Variants in ADAM22 observed in about 807,000 individuals in gnomAD.
ADAM22 encodes the protein disintegrin and metalloproteinase domain-containing protein 22.
ADAM22 carries 65 observed loss-of-function variants against 144.6 expected under a neutral mutation model. That is an observed-to-expected ratio of 0.45 (90% CI 0.37 to 0.55). ADAM22 has a LOEUF of 0.55. Among genes scored for constraint, ADAM22 ranks in the 20% least tolerant of loss-of-function variants. The probability of loss-of-function intolerance (pLI) is 0.00; values close to 1 mark genes in which losing one functional copy is unlikely to be tolerated. For missense variants in ADAM22, 974 were observed against 1,184.9 expected (o/e 0.82, Z 2.61); for synonymous variants, 391 against 412.6 (o/e 0.95, Z 0.63).
chr7:87,990,554 A>G (rs979065414), intron 3 of ADAM22, among the ~76,000 whole-genome samples: 9 of 152,162 alleles, frequency 5.9e-5, no homozygotes, highest in Admixed American at 2.6e-4. Context: ...CCTCCCCACT[A>G]TTGGAAACAA....
chr7:88,171,156 T>A (rs1844218707), intron 25 of ADAM22, among the ~76,000 whole-genome samples: 2 of 151,974 alleles, frequency 1.3e-5, no homozygotes, highest in Admixed American at 6.6e-5. Context: ...TAATTTTATT[T>A]CTGTAAAAAG....
At chr7:88,125,740 T>A in intron 8 of ADAM22, 81 bp downstream of exon 8, 1 of 1,140,110 alleles carries the variant, frequency 8.8e-7, no homozygotes, top group Non-Finnish European at 1.2e-6. Flanking sequence ...TAAGTCTGTG[T>A]GAGAGGGTGA....
chr7:88,099,263 G>A (rs749788984), intron 4 of ADAM22, among the ~76,000 whole-genome samples: 10 of 152,220 alleles, frequency 6.6e-5, no homozygotes, highest in Middle Eastern at 3.4e-3. Flanking sequence ...TATCTATGCC[G>A]GCAGAAGACA....
rs545692266 is a variant in ADAM22, at chr7:88,131,324, C to T, written c.881C>T (p.Ala294Val). The T allele has an allele frequency of 1.8e-5, 29 of 1,613,498 alleles. No individual in the cohort carries two copies. The East Asian group carries it at 2.2e-4, about 12-fold the overall frequency. ...GTATTGGTTGCTATGGAAACCTGGGCGACTGACAACAAGTTTGCCATATCT... is the reference window on the plus strand; with the variant it reads ...GTATTGGTTGCTATGGAAACCTGGGTGACTGACAACAAGTTTGCCATATCT... The part of the protein sequence containing the change: ...RIVLVAMETW[A>V]TDNKFAISEN... The change falls in exon 11 of 32, where the codon GCG (alanine) becomes GTG (valine). Residue 294 changes from alanine to valine, a missense_variant. This residue lies in a region of ADAM22 where 734 missense variants were observed against 950.6 expected (regional missense o/e 0.77). Transcript: ENST00000413139.
chr7:88,004,058 C>T (rs1005456895), intron 3 of ADAM22, among the ~76,000 whole-genome samples: 2 of 152,186 alleles, frequency 1.3e-5, no homozygotes, highest in Non-Finnish European at 2.9e-5. Context: ...TAAGCAGAAG[C>T]GTCAGTAGCT....
At chr7:88,109,724 A>G (rs1239135087) in intron 5 of ADAM22, among the ~76,000 whole-genome samples, 2 of 149,330 alleles carry the variant, frequency 1.3e-5, no homozygotes, top group Non-Finnish European at 3.0e-5. Context: ...TTTTTGAGAG[A>G]GAGAGAGGAA....
At chr7:88,026,982 A>T (rs1470920276) in intron 3 of ADAM22, among the ~76,000 whole-genome samples, 2 of 152,180 alleles carry the variant, frequency 1.3e-5, no homozygotes, top group African/African-American at 4.8e-5. Flanking sequence ...CATCAAATGA[A>T]ATGATCATAT....
intron 2 of ADAM22, among the ~76,000 whole-genome samples, chr7:87,947,288 A>T (rs963144736): frequency 6.6e-6 from 1 of 151,470 alleles, no homozygotes; most frequent in Admixed American, 6.6e-5. Context: ...GATCCTGTAT[A>T]GCTGGTTTAG....
At chr7:88,107,135 T>C (rs1205916896) in intron 4 of ADAM22, among the ~76,000 whole-genome samples, 1 of 152,046 alleles carries the variant, frequency 6.6e-6, no homozygotes, top group African/African-American at 2.4e-5. Context: ...AAATGATTTA[T>C]ATTCATTTTT....
intron 4 of ADAM22, among the ~76,000 whole-genome samples, chr7:88,107,067 T>A (rs1585773150): frequency 1.3e-5 from 2 of 152,152 alleles, no homozygotes; most frequent in Non-Finnish European, 1.5e-5. Context: ...TATCTGGTAA[T>A]CAATATAAAC....
Position 87,978,422 on chromosome 7 carries a change from G to T in ADAM22, c.323+10G>T, listed in dbSNP as rs185169140. 132 of 1,610,700 alleles carry T rather than the reference G, an allele frequency of 8.2e-5. No individual in the cohort carries two copies. The African/African-American group carries it at 1.7e-3, about 20-fold the overall frequency. The stretch of plus-strand genomic sequence containing the variant: ...ATGTCGTGCTAAATCAGTAAGTGTT[G>T]AGTTGCACTTGCTTTTGTCAGATAC... On this transcript the variant is annotated intron_variant, in intron 3 of 31. Transcript: ENST00000413139.
rs773900623 is a variant in ADAM22, at chr7:88,108,184, G to T, written c.399G>T (p.Glu133Asp). 6.2e-7 allele frequency: 1 copy of T among 1,613,008 alleles called. No homozygotes were observed. The highest frequency in any genetic ancestry group is 1.1e-5 in the South Asian group (1 of 90,822). ...GGKTVEVKGG[E>D]HCYYQGHIRG... ...TTTATTTCTGTTTTCAGGGAGGAGAGCACTGTTACTACCAGGGCCATATCC... is the reference window on the plus strand; with the variant it reads ...TTTATTTCTGTTTTCAGGGAGGAGATCACTGTTACTACCAGGGCCATATCC... Residue 133 changes from glutamate (E) to aspartate (D), a missense_variant, in exon 5 of 32, where the codon GAG becomes GAT. Transcript: ENST00000413139.
chr7:88,086,117 A>G (rs892268798), intron 4 of ADAM22, among the ~76,000 whole-genome samples: 1 of 152,222 alleles, frequency 6.6e-6, no homozygotes, highest in Non-Finnish European at 1.5e-5. Context: ...TGGAGGTTGC[A>G]GTGAGCTGAG....
At chr7:88,079,103 C>T (rs377095734) in intron 4 of ADAM22, among the ~76,000 whole-genome samples, 6 of 152,118 alleles carry the variant, frequency 3.9e-5, no homozygotes, top group African/African-American at 1.2e-4. Flanking sequence ...AGAGAAAGGT[C>T]GGGTTACCCA....
intron 2 of ADAM22, among the ~76,000 whole-genome samples, chr7:87,944,958 A>G (rs116349980): frequency 0.025 from 3,103 of 125,562 alleles, 120 homozygotes; most frequent in African/African-American, 0.088. Flanking sequence ...TCTTTTTATT[A>G]TTTCTTCCTC....
At chr7:88,037,898 A>G (rs2129471017) in intron 3 of ADAM22, among the ~76,000 whole-genome samples, 1 of 152,324 alleles carries the variant, frequency 6.6e-6, no homozygotes, top group Admixed American at 6.5e-5. Flanking sequence ...GCCAATATTC[A>G]GAGAGTCTTA....
At position 88,028,828 on chromosome 7, in the gene ADAM22, C is replaced by G. The variant is rs76997143; in HGVS notation, c.324-46798C>G. 1.4e-3 allele frequency among the ~76,000 whole-genome samples: 220 copies of G among 152,184 alleles called. 1 individual carries two copies. The highest frequency in any genetic ancestry group is 4.9e-3 in the African/African-American group (205 of 41,542). ...TCTGACATAAGTATAGCTACTCCTG[C>G]TCACTTGTAGTTTGTATTTGCATGG... On this transcript the variant is annotated intron_variant, in intron 3 of 31. Transcript: ENST00000413139.
intron 8 of ADAM22, among the ~76,000 whole-genome samples, chr7:88,126,091 T>C (rs1026026536): frequency 1.1e-4 from 16 of 152,066 alleles, no homozygotes; most frequent in African/African-American, 2.9e-4. Context: ...GGGCAAAACT[T>C]TGGAGTCCAG....
intron 5 of ADAM22, among the ~76,000 whole-genome samples, chr7:88,111,697 G>T (rs578143631): frequency 6.6e-6 from 1 of 151,616 alleles, no homozygotes; most frequent in South Asian, 2.1e-4. Flanking sequence ...CTTAGCTATA[G>T]GTTTTTATCA....
Sources: allele counts gnomAD v4.1 joint callset (sites outside exome capture counted in the v4.1 genomes callset), GRCh38; gene constraint gnomAD v4.1.1; regional missense constraint gnomAD v4.1.1; transcripts MANE v1.5; gene names NCBI Gene and HGNC (gene_info 2026-07-23, HGNC 2026-07-21).